The following ARHGAP31 variants were observed in gnomAD, a reference collection of about 807,000 sequenced individuals.
The protein encoded by ARHGAP31 is rho GTPase-activating protein 31.
A neutral mutation model predicts 113.9 loss-of-function variants in ARHGAP31; 34 were observed. The observed-to-expected ratio is 0.30, with a 90% CI of 0.23 to 0.40. The LOEUF (loss-of-function observed/expected upper bound fraction) is 0.40, where lower values mean the gene tolerates loss of function less well. Ranked by LOEUF, ARHGAP31 falls within the 10% of genes least tolerant of loss-of-function variation. The pLI, the probability that ARHGAP31 is intolerant of heterozygous loss-of-function variation, is 1.00. For synonymous variants in ARHGAP31, 650 were observed against 684.8 expected (o/e 0.95, Z 0.79); for missense variants, 1,548 against 1,767.1 (o/e 0.88, Z 2.22).
chr3:119,380,273 G>A (rs543816213), intron 3 of ARHGAP31, among the ~76,000 whole-genome samples: 7 of 152,228 alleles, frequency 4.6e-5, no homozygotes, highest in Admixed American at 2.6e-4. Context: ...GGGTAGTCAC[G>A]GGCTAGGTAG....
chr3:119,415,024 C>G lies in ARHGAP31; in HGVS notation c.3095C>G (p.Pro1032Arg). ...GGACCAAGTGGTGTGCAACCCAACCCAGCAGAAACCAGCCCCATCAGCCTA... is the reference window on the plus strand; with the variant it reads ...GGACCAAGTGGTGTGCAACCCAACCGAGCAGAAACCAGCCCCATCAGCCTA... ...QKGPSGVQPN[P>R]AETSPISLAE... Residue 1032 changes from proline (P) to arginine (R), a missense_variant, in exon 12 of 12, where the codon CCA becomes CGA. Physicochemically the swap from Pro to Arg is moderately radical, Grantham distance 103. Coordinates refer to ENST00000264245, the MANE Select transcript of ARHGAP31 (RefSeq NM_020754.4). 6.2e-7 allele frequency: 1 copy of G among 1,614,154 alleles called. No individual in the cohort carries two copies. The highest frequency in any genetic ancestry group is 1.1e-5 in the South Asian group (1 of 91,084).
intron 1 of ARHGAP31, chr3:119,341,808 C>A (rs1014094295): frequency 6.6e-6 from 1 of 151,682 alleles, no homozygotes; most frequent in African/African-American, 2.4e-5. Flanking sequence ...AGGGGTCTGC[C>A]AGACATCCTC....
At chr3:119,381,530 T>C (rs1255618997) in intron 4 of ARHGAP31, among the ~76,000 whole-genome samples, 1 of 152,202 alleles carries the variant, frequency 6.6e-6, no homozygotes. Context: ...AGGAACTTCC[T>C]AGCAATAATA....
intron 6 of ARHGAP31, among the ~76,000 whole-genome samples, chr3:119,387,570 T>C (rs910023778): frequency 3.3e-5 from 5 of 152,220 alleles, no homozygotes; most frequent in African/African-American, 9.6e-5. Context: ...TTTTAACATA[T>C]GAATTTTGAG....
intron 3 of ARHGAP31, among the ~76,000 whole-genome samples, chr3:119,376,475 A>C (rs2080349844): frequency 1.3e-5 from 2 of 152,306 alleles, no homozygotes; most frequent in Non-Finnish European, 2.9e-5. Context: ...GCCTTGCTCC[A>C]TACAGGCCAC....
rs150479783 is a variant in ARHGAP31 at position 119,369,417 on chromosome 3, A to G, written c.348+901A>G. Among the ~76,000 whole-genome samples the G allele has an allele frequency of 7.9e-4, 121 of 152,362 alleles. 1 individual carries two copies. The highest frequency in any genetic ancestry group is 2.8e-3 in the African/African-American group (115 of 41,586). On this transcript the variant is annotated intron_variant, in intron 3 of 11. Transcript: ENST00000264245. ...AAAAGTAGATCATCCCAGTGAAGTC[A>G]GTGGACTGTATGGTAGTTAGAGAGG...
At chr3:119,348,277 T>C (rs2080078906) in intron 1 of ARHGAP31, among the ~76,000 whole-genome samples, 1 of 152,218 alleles carries the variant, frequency 6.6e-6, no homozygotes, top group Admixed American at 6.5e-5. Context: ...GTAATAATAA[T>C]AGAAATAAAG....
At chr3:119,375,971 C>T (rs1046276899) in intron 3 of ARHGAP31, among the ~76,000 whole-genome samples, 1 of 152,184 alleles carries the variant, frequency 6.6e-6, no homozygotes, top group Non-Finnish European at 1.5e-5. Context: ...TCTGCTTCAG[C>T]CCCTGGAGTA....
At chr3:119,386,988 A>G (rs527989241) in intron 6 of ARHGAP31, among the ~76,000 whole-genome samples, 11 of 152,186 alleles carry the variant, frequency 7.2e-5, no homozygotes, top group Non-Finnish European at 1.3e-4. Context: ...TGACCACTGA[A>G]GCACAGCATC....
chr3:119,402,915 C>T (rs2080625610), intron 10 of ARHGAP31, among the ~76,000 whole-genome samples: 1 of 152,168 alleles, frequency 6.6e-6, no homozygotes, highest in African/African-American at 2.4e-5. Flanking sequence ...GAAAGAGCAT[C>T]CCTCTCCCAA....
chr3:119,381,011 G>T (rs781545145), intron 4 of ARHGAP31, 25 bp downstream of exon 4: 2 of 1,595,604 alleles, frequency 1.3e-6, no homozygotes, highest in Non-Finnish European at 8.6e-7. Flanking sequence ...GAAAAGAAAC[G>T]TGTGGCCTCT....
chr3:119,350,847 C>G (rs2080104828), intron 1 of ARHGAP31, among the ~76,000 whole-genome samples: 1 of 152,024 alleles, frequency 6.6e-6, no homozygotes, highest in Non-Finnish European at 1.5e-5. Flanking sequence ...AAAAAATTAC[C>G]CTAATGTTTT....
At chr3:119,350,168 T>G (rs2080098433) in intron 1 of ARHGAP31, among the ~76,000 whole-genome samples, 1 of 152,184 alleles carries the variant, frequency 6.6e-6, no homozygotes, top group South Asian at 2.1e-4. Flanking sequence ...TGAAAAGGGT[T>G]ACAAACTGCA....
rs759961068 is a variant in ARHGAP31 at position 119,365,320 on chromosome 3, A to G, written c.105A>G (p.Pro35=). 35 of 1,613,450 alleles carry G rather than the reference A, an allele frequency of 2.2e-5. No homozygotes were observed. The highest frequency in any genetic ancestry group is 2.9e-5 in the Non-Finnish European group (34 of 1,179,752). ...TTTTTCTTTTCTTTTACATAGTTCC[A>G]TACGTTTTGAAGAGCTGTGCAGAAT... ...EYLESSGQDV[P]YVLKSCAEFI... is the part of the protein sequence containing the mutation. Residue 35 remains proline (P), a synonymous_variant, in exon 2 of 12, where the codon CCA becomes CCG. Transcript: ENST00000264245.
At chr3:119,311,038 C>G (rs1021711835) in intron 1 of ARHGAP31, among the ~76,000 whole-genome samples, 1 of 152,160 alleles carries the variant, frequency 6.6e-6, no homozygotes, top group African/African-American at 2.4e-5. Context: ...AAGTGACAGC[C>G]TATGTTCCCC....
At chr3:119,394,476 A>G (rs957544027) in intron 8 of ARHGAP31, among the ~76,000 whole-genome samples, 3 of 152,300 alleles carry the variant, frequency 2.0e-5, no homozygotes, top group East Asian at 1.9e-4. Flanking sequence ...AATTTAACCA[A>G]TGCAGCTGAA....
intron 1 of ARHGAP31, among the ~76,000 whole-genome samples, chr3:119,297,208 T>G (rs1282849627): frequency 6.6e-6 from 1 of 152,248 alleles, no homozygotes; most frequent in Non-Finnish European, 1.5e-5. Context: ...TCTGTGTATT[T>G]GTGATAGTGT....
chr3:119,383,289 G>T lies in ARHGAP31; in HGVS notation c.682+63G>T. On this transcript the variant is annotated intron_variant, in intron 6 of 11. Transcript: ENST00000264245. ...CCTTCTTTCTTGCAACTAGTGGTGG[G>T]ACTCAACAGAAAGTGAGGGTGGGCT... 1.9e-6 allele frequency: 3 copies of T among 1,599,998 alleles called. No individual in the cohort carries two copies. In the South Asian group the frequency reaches 3.3e-5, roughly 18 times the overall value.
chr3:119,379,931 A>C (rs1270786109), intron 3 of ARHGAP31, among the ~76,000 whole-genome samples: 2 of 152,232 alleles, frequency 1.3e-5, no homozygotes, highest in Non-Finnish European at 2.9e-5. Flanking sequence ...AGGGGCCGTG[A>C]GCACAGCAGG....
Sources: allele counts gnomAD v4.1 joint callset (sites outside exome capture counted in the v4.1 genomes callset), GRCh38; gene constraint gnomAD v4.1.1; transcripts MANE v1.5; gene names NCBI Gene and HGNC (gene_info 2026-07-23, HGNC 2026-07-21).